SHTN1: variants seen among roughly 807,000 people sequenced by gnomAD.
The protein encoded by SHTN1 is shootin 1, also known as shootin-1.
Under a neutral mutation model 83.1 loss-of-function variants are expected in SHTN1, and 42 were observed. The ratio of observed to expected loss-of-function variants is 0.51; its 90% CI spans 0.39 to 0.65. SHTN1 has a LOEUF of 0.65. Among genes scored for constraint, SHTN1 ranks in the 30% least tolerant of loss-of-function variants. The probability of loss-of-function intolerance (pLI) is 0.00; values close to 1 mark genes in which losing one functional copy is unlikely to be tolerated. For synonymous variants in SHTN1, 224 were observed against 247.7 expected (o/e 0.90, Z 0.90); for missense variants, 622 against 737.8 (o/e 0.84, Z 1.82).
At chr10:116,971,953 G>A (rs1445080837) in intron 2 of SHTN1, among the ~76,000 whole-genome samples, 1 of 152,174 alleles carries the variant, frequency 6.6e-6, no homozygotes, top group Admixed American at 6.5e-5. Flanking sequence ...AAACAGGAAT[G>A]GTGCTCTATC....
chr10:116,921,625 AAGT>A, intron 11 of SHTN1, 109 bp from the exon 12 acceptor site: 6 of 681,466 alleles, frequency 8.8e-6, no homozygotes, highest in South Asian at 4.1e-5. Context: ...ACTAGAATCT[AAGT>A]AGTCTACGTT....
At chr10:117,071,084 C>T (rs898345973) in intron 1 of SHTN1, among the ~76,000 whole-genome samples, 1 of 151,974 alleles carries the variant, frequency 6.6e-6, no homozygotes, top group African/African-American at 2.4e-5. Context: ...AACAATAAAG[C>T]AGCAATTATC....
chr10:117,078,379 C>A (rs1002584931), intron 1 of SHTN1, among the ~76,000 whole-genome samples: 1 of 152,126 alleles, frequency 6.6e-6, no homozygotes, highest in African/African-American at 2.4e-5. Flanking sequence ...CACTAGTTTT[C>A]CTGGTATGTA....
Position 117,035,154 on chromosome 10 carries a change from AG to A in SHTN1, c.-123+13290del, listed in dbSNP as rs1192253837. Among the ~76,000 whole-genome samples, 5 of 152,334 alleles carry A rather than the reference AG, an allele frequency of 3.3e-5. No homozygotes were observed. In the East Asian group the frequency reaches 9.7e-4, roughly 29 times the overall value. ...CAACAAATAAATAGACCATTGGTACAGGATAGAGAACCCAGAAACAAATCCA... is the reference window on the plus strand; with the variant it reads ...CAACAAATAAATAGACCATTGGTACAGATAGAGAACCCAGAAACAAATCCA... On this transcript the variant is annotated intron_variant, in intron 2 of 17. Coordinates refer to the SHTN1 transcript ENST00000392901.
Position 116,960,156 on chromosome 10 carries a change from C to T in SHTN1, c.247G>A (p.Ala83Thr). ...CTCACCTTTGTTGCCAAAGCTTCAG[C>T]ACTTTCTCGACAAGTCTTCTCTATT... ...LEIEKTCRES[A>T]EALATKLNKE... The change falls in exon 4 of 17, where the codon GCT becomes ACT. Residue 83 changes from alanine (A) to threonine (T), a missense_variant. Physicochemically the swap from Ala to Thr is moderately conservative, Grantham distance 58. This residue lies in a region of SHTN1 where 383 missense variants were observed against 455.8 expected (regional missense o/e 0.84). Coordinates refer to ENST00000355371, the MANE Select transcript of SHTN1 (RefSeq NM_001127211.3). 1 of 1,608,054 alleles carries T rather than the reference C, an allele frequency of 6.2e-7. No individual in the cohort carries two copies. Among genetic ancestry groups the T allele is most frequent in the Non-Finnish European group, 8.5e-7 (1 of 1,174,800 alleles).
At chr10:117,051,634 C>A (rs1852742302) in intron 1 of SHTN1, among the ~76,000 whole-genome samples, 1 of 151,146 alleles carries the variant, frequency 6.6e-6, no homozygotes, top group African/African-American at 2.4e-5. Flanking sequence ...ATATAATATA[C>A]CACATTAGTA....
chr10:117,019,155 T>C (rs1240315579), intron 2 of SHTN1, among the ~76,000 whole-genome samples: 1 of 152,114 alleles, frequency 6.6e-6, no homozygotes, highest in African/African-American at 2.4e-5. Flanking sequence ...AAAGATTCCA[T>C]TTACATTAAC....
intron 1 of SHTN1, among the ~76,000 whole-genome samples, chr10:117,059,418 C>A (rs1194991943): frequency 6.6e-6 from 1 of 152,138 alleles, no homozygotes; most frequent in South Asian, 2.1e-4. Context: ...AAAACCTGTA[C>A]ACAAATGTTC....
intron 1 of SHTN1, among the ~76,000 whole-genome samples, chr10:117,060,150 T>A (rs1044980129): frequency 2.0e-5 from 3 of 152,056 alleles, no homozygotes; most frequent in African/African-American, 7.2e-5. Flanking sequence ...AATTTCAAGG[T>A]TACAGTGAGC....
chr10:116,891,287 A>G (rs571080613), intron 16 of SHTN1, among the ~76,000 whole-genome samples: 2 of 152,360 alleles, frequency 1.3e-5, no homozygotes, highest in East Asian at 3.9e-4. Flanking sequence ...GTTCATTTCT[A>G]TTTCACTTCT....
chr10:116,973,038 A>G (rs1043351700), intron 2 of SHTN1, among the ~76,000 whole-genome samples: 95 of 152,308 alleles, frequency 6.2e-4, no homozygotes, highest in African/African-American at 2.2e-3. Flanking sequence ...CAGCCTTTCC[A>G]GTGTGAATTA....
chr10:117,055,248 C>T (rs1309796853), intron 1 of SHTN1, among the ~76,000 whole-genome samples: 1 of 152,154 alleles, frequency 6.6e-6, no homozygotes, highest in Admixed American at 6.5e-5. Context: ...GATTACAATT[C>T]AAGACGAGAT....
intron 1 of SHTN1, among the ~76,000 whole-genome samples, chr10:117,123,335 T>G (rs558715659): frequency 8.7e-4 from 132 of 152,252 alleles, no homozygotes; most frequent in Non-Finnish European, 1.5e-3. Context: ...TACCTGTGAC[T>G]AGACAGGTAA....
intron 2 of SHTN1, among the ~76,000 whole-genome samples, chr10:117,015,494 G>A (rs745845448): frequency 1.3e-5 from 2 of 152,076 alleles, no homozygotes; most frequent in Non-Finnish European, 2.9e-5. Flanking sequence ...ACCACGCCTG[G>A]CTAATTTTGT....
intron 2 of SHTN1, among the ~76,000 whole-genome samples, chr10:116,972,066 G>A (rs1021673866): frequency 3.3e-5 from 5 of 152,176 alleles, no homozygotes; most frequent in Admixed American, 1.3e-4. Flanking sequence ...GAAGAAAAAC[G>A]TCAGGTCCAC....
Position 116,901,607 on chromosome 10 carries a change from G to A in SHTN1, c.1673+158C>T, listed in dbSNP as rs540358208. ...TCTGAATGAGATCTCTTAGCTAGGA[G>A]CCTAGAATGAAAAAGCTGGCCCATC... is the stretch of plus-strand genomic sequence containing the variant. On this transcript the variant is annotated intron_variant, in intron 16 of 16. Coordinates refer to ENST00000355371, the MANE Select transcript of SHTN1 (RefSeq NM_001127211.3). 1.2e-3 allele frequency: 1,200 copies of A among 985,330 alleles called. 1 individual carries two copies. The highest frequency in any genetic ancestry group is 1.4e-3 in the Non-Finnish European group (1,167 of 829,928). The allele number at this position is 985,330 out of a possible 1,614,324, so 61.0% of individuals were successfully genotyped here.
intron 16 of SHTN1, among the ~76,000 whole-genome samples, chr10:116,888,024 T>C (rs1372981360): frequency 6.6e-6 from 1 of 152,178 alleles, no homozygotes; most frequent in Non-Finnish European, 1.5e-5. Flanking sequence ...TGTCCAAATG[T>C]TTAAAAACCA....
At chr10:117,017,708 TGG>T (rs781020852) in intron 2 of SHTN1, among the ~76,000 whole-genome samples, 4 of 152,166 alleles carry the variant, frequency 2.6e-5, no homozygotes, top group Non-Finnish European at 4.4e-5. Flanking sequence ...GAGTGTAGGC[TGG>T]ATTCAGTCAC....
chr10:116,978,819 A>G (rs547935709), intron 2 of SHTN1, among the ~76,000 whole-genome samples: 1 of 152,348 alleles, frequency 6.6e-6, no homozygotes, highest in East Asian at 1.9e-4. Flanking sequence ...AAGCAGACAT[A>G]TAAAGATTTA....
Sources: gnomAD v4.1 joint callset for allele counts (sites outside exome capture counted in the v4.1 genomes callset) on GRCh38, gnomAD v4.1.1 for gene constraint, gnomAD v4.1.1 regional missense constraint, MANE v1.5 for transcripts, NCBI Gene and HGNC (gene_info 2026-07-23, HGNC 2026-07-21) for gene names.